The following SMARCC1 variants were observed in gnomAD, a reference collection of about 807,000 sequenced individuals.
SMARCC1 encodes SWI/SNF complex subunit SMARCC1.
A neutral mutation model predicts 147.4 loss-of-function variants in SMARCC1; 43 were observed. The observed-to-expected ratio is 0.29, with a 90% confidence interval of 0.23 to 0.38. The LOEUF (loss-of-function observed/expected upper bound fraction) is 0.38, where lower values mean the gene tolerates loss of function less well. SMARCC1 is among the 10% of genes least tolerant of loss of function. The probability of loss-of-function intolerance (pLI) is 1.00; values close to 1 mark genes in which losing one functional copy is unlikely to be tolerated. For synonymous variants in SMARCC1, 495 were observed against 484.4 expected, an observed-to-expected ratio of 1.02 and a Z score of -0.29; for missense variants, 1,119 against 1,381.1, an observed-to-expected ratio of 0.81 and a Z score of 3.01.
At chr3:47,700,178 A>T (rs79805275) in intron 11 of SMARCC1, among the ~76,000 whole-genome samples, 130 of 146,494 alleles carry the variant, frequency 8.9e-4, no homozygotes, top group African/African-American at 1.7e-3. Context: ...AAAGTATATT[A>T]AAAAAAAAAA....
At chr3:47,712,401 T>C (rs1344957356) in intron 8 of SMARCC1, among the ~76,000 whole-genome samples, 1 of 152,160 alleles carries the variant, frequency 6.6e-6, no homozygotes, top group East Asian at 1.9e-4. Context: ...GAAACATGTG[T>C]ATACATTGCT....
chr3:47,644,696 C>G (rs1404587119), intron 21 of SMARCC1, among the ~76,000 whole-genome samples: 2 of 151,986 alleles, frequency 1.3e-5, no homozygotes, highest in African/African-American at 2.4e-5. Flanking sequence ...TTAGTAGAGA[C>G]AGGGTTTCAC....
At chr3:47,699,779 T>C (rs1056146612) in intron 11 of SMARCC1, among the ~76,000 whole-genome samples, 11 of 152,138 alleles carry the variant, frequency 7.2e-5, no homozygotes, top group Non-Finnish European at 1.6e-4. Context: ...ATATAAACCA[T>C]ATAGTCTTCT....
intron 24 of SMARCC1, among the ~76,000 whole-genome samples, chr3:47,626,126 G>C (rs1335730863): frequency 6.6e-6 from 1 of 151,930 alleles, no homozygotes; most frequent in Non-Finnish European, 1.5e-5. Context: ...AGCATTTCCA[G>C]CCTGGGTGAC....
At chr3:47,750,203 AG>A (rs2034614019) in intron 2 of SMARCC1, among the ~76,000 whole-genome samples, 1 of 152,178 alleles carries the variant, frequency 6.6e-6, no homozygotes, top group Admixed American at 6.5e-5. Flanking sequence ...TGGGAGGCCA[AG>A]GTGGACGGAT....
chr3:47,776,899 C>A (rs923892967), intron 1 of SMARCC1, among the ~76,000 whole-genome samples: 11 of 151,740 alleles, frequency 7.2e-5, no homozygotes, highest in Admixed American at 7.2e-4. Context: ...CTTAGCCTAC[C>A]GAGTACCTGG....
At chr3:47,711,995 G>A (rs991585788) in intron 8 of SMARCC1, among the ~76,000 whole-genome samples, 1 of 152,244 alleles carries the variant, frequency 6.6e-6, no homozygotes, top group East Asian at 1.9e-4. Flanking sequence ...CACTTTGGGA[G>A]GCTGAGGCGG....
chr3:47,673,797 CTCAAA>C (rs2033535153), intron 18 of SMARCC1, among the ~76,000 whole-genome samples: 1 of 152,124 alleles, frequency 6.6e-6, no homozygotes, highest in African/African-American at 2.4e-5. Flanking sequence ...TGTAATAATA[CTCAAA>C]TCAAAACCCA....
At chr3:47,669,079 T>C (rs932176640) in intron 19 of SMARCC1, among the ~76,000 whole-genome samples, 2 of 152,248 alleles carry the variant, frequency 1.3e-5, no homozygotes, top group Admixed American at 1.3e-4. Flanking sequence ...TGGTAAACAC[T>C]GATGTGGAGA....
intron 13 of SMARCC1, among the ~76,000 whole-genome samples, chr3:47,686,593 C>A (rs533243107): frequency 6.6e-6 from 1 of 151,798 alleles, no homozygotes. Context: ...TACATTTAAA[C>A]GTATTTTAAA....
chr3:47,752,869 C>A (rs1248502078), intron 2 of SMARCC1, among the ~76,000 whole-genome samples: 1 of 152,102 alleles, frequency 6.6e-6, no homozygotes, highest in East Asian at 1.9e-4. Context: ...CTCTGGGGGT[C>A]AAAGTCAACT....
At position 47,661,666 on chromosome 3, in the gene SMARCC1, C is replaced by T. The variant is rs186508111; in HGVS notation, c.2159-211G>A. 1.9e-3 allele frequency among the ~76,000 whole-genome samples: 284 copies of T among 152,152 alleles called. 1 individual carries two copies. Among genetic ancestry groups the T allele is most frequent in the Admixed American group, 4.8e-3 (74 of 15,270 alleles). Reference sequence around the variant, plus strand: ...GAAATTCTATGGTTCTACATTTTCTCCTACACATCACAGAGCCTTGAAATA... The same window carrying T: ...GAAATTCTATGGTTCTACATTTTCTTCTACACATCACAGAGCCTTGAAATA... On this transcript the variant is annotated intron_variant, in intron 20 of 27. Coordinates refer to ENST00000254480, the MANE Select transcript of SMARCC1 (RefSeq NM_003074.4).
At chr3:47,755,361 A>G (rs1247234162) in intron 2 of SMARCC1, among the ~76,000 whole-genome samples, 5 of 150,848 alleles carry the variant, frequency 3.3e-5, no homozygotes, top group Non-Finnish European at 7.4e-5. Context: ...TTAGACAGGC[A>G]CGGTGGCAGC....
intron 20 of SMARCC1, 38 bp downstream of exon 20, chr3:47,662,296 G>A: frequency 6.3e-7 from 1 of 1,575,354 alleles, no homozygotes; most frequent in South Asian, 1.2e-5. Flanking sequence ...GATAAACTGA[G>A]TTTTTCTGTT....
intron 10 of SMARCC1, 135 bp from the exon 11 acceptor site, chr3:47,701,537 G>A (rs778098219): frequency 6.2e-6 from 5 of 810,522 alleles, no homozygotes; most frequent in South Asian, 1.6e-5. Context: ...ACAGTAGGTC[G>A]GTCGCGGTGG....
chr3:47,752,374 C>T (rs531332881), intron 2 of SMARCC1, among the ~76,000 whole-genome samples: 1 of 152,270 alleles, frequency 6.6e-6, no homozygotes, highest in Non-Finnish European at 1.5e-5. Flanking sequence ...TCCTATAAAC[C>T]CCCATGCTGA....
At chr3:47,727,317 G>A (rs1362907361) in intron 6 of SMARCC1, among the ~76,000 whole-genome samples, 1 of 151,764 alleles carries the variant, frequency 6.6e-6, no homozygotes, top group Non-Finnish European at 1.5e-5. Flanking sequence ...GACCAACCTG[G>A]CCAAGACGGT....
At chr3:47,644,854 T>C (rs565892679) in intron 21 of SMARCC1, among the ~76,000 whole-genome samples, 2 of 152,284 alleles carry the variant, frequency 1.3e-5, no homozygotes, top group South Asian at 2.1e-4. Flanking sequence ...GTTGGTTTTA[T>C]GCAAATAGGA....
At chr3:47,672,660 C>A (rs2033515890) in intron 18 of SMARCC1, among the ~76,000 whole-genome samples, 1 of 152,164 alleles carries the variant, frequency 6.6e-6, no homozygotes, top group African/African-American at 2.4e-5. Flanking sequence ...TAAGGAAGAT[C>A]TCTACAACCT....
Sources: allele counts gnomAD v4.1 joint callset (sites outside exome capture counted in the v4.1 genomes callset), GRCh38; gene constraint gnomAD v4.1.1; transcripts MANE v1.5; gene names NCBI Gene and HGNC (gene_info 2026-07-23, HGNC 2026-07-21).